The following RERE variants were observed in gnomAD, a reference collection of about 807,000 sequenced individuals.
RERE encodes arginine-glutamic acid dipeptide repeats protein.
Under a neutral mutation model 146.1 loss-of-function variants are expected in RERE, and 40 were observed. The ratio of observed to expected loss-of-function variants is 0.27; its 90% confidence interval spans 0.21 to 0.36. The LOEUF (loss-of-function observed/expected upper bound fraction) is 0.36. RERE is among the 10% of genes least tolerant of loss of function. The pLI is 1.00. For missense variants in RERE, 1,933 were observed against 2,138.7 expected (o/e 0.90, Z 1.90); for synonymous variants, 1,003 against 866.0 (o/e 1.16, Z -2.78).
Position 8,437,902 on chromosome 1 carries a change from A to C in RERE, c.1204-15095T>G, listed in dbSNP as rs1644192602. Among the ~76,000 whole-genome samples the C allele has an allele frequency of 2.7e-5, 4 of 149,348 alleles. 1 individual carries two copies. The South Asian group carries it at 8.6e-4, about 32-fold the overall frequency. On this transcript the variant is annotated intron_variant, in intron 11 of 22. Transcript: ENST00000400908. ...CCATGCAGTATGTCCCCCGAAATAGAGTCCTTTTCATCCTCGTTTGTGATA... is the reference window on the plus strand; with the variant it reads ...CCATGCAGTATGTCCCCCGAAATAGCGTCCTTTTCATCCTCGTTTGTGATA...
At chr1:8,600,750 C>CTT (rs59816060) in intron 4 of RERE, among the ~76,000 whole-genome samples, 20 of 113,422 alleles carry the variant, frequency 1.8e-4, no homozygotes, top group South Asian at 8.7e-4. Context: ...CAAGCCAATA[C>CTT]TTTTTTTTTT....
chr1:8,437,078 G>A (rs1644179654), intron 11 of RERE, among the ~76,000 whole-genome samples: 1 of 152,170 alleles, frequency 6.6e-6, no homozygotes, highest in South Asian at 2.1e-4. Context: ...ACATAGGGCC[G>A]TTATTTCAAA....
intron 12 of RERE, among the ~76,000 whole-genome samples, chr1:8,417,665 G>A (rs1557621838): frequency 6.6e-6 from 1 of 151,966 alleles, no homozygotes; most frequent in East Asian, 1.9e-4. Context: ...ACATACTTCG[G>A]TAGCACAGCC....
intron 12 of RERE, among the ~76,000 whole-genome samples, chr1:8,382,939 CTTTTCCA>C (rs1642507679): frequency 6.6e-6 from 1 of 151,732 alleles, no homozygotes; most frequent in South Asian, 2.1e-4. Flanking sequence ...CTTGAAAATC[CTTTTCCA>C]TCTGGGAAAA....
intron 2 of RERE, among the ~76,000 whole-genome samples, chr1:8,629,066 C>T (rs1410351259): frequency 3.9e-5 from 6 of 152,154 alleles, no homozygotes; most frequent in South Asian, 2.1e-4. Flanking sequence ...ATTGAGCAAA[C>T]GGTTTTGGCA....
At chr1:8,707,298 G>C (rs1207374145) in intron 1 of RERE, among the ~76,000 whole-genome samples, 1 of 152,164 alleles carries the variant, frequency 6.6e-6, no homozygotes, top group Non-Finnish European at 1.5e-5. Context: ...CGAAAGTCTA[G>C]TTAAACTAAC....
chr1:8,622,330 C>G lies in RERE; in HGVS notation c.396+1980G>C, dbSNP rs1181414483. 2.0e-5 allele frequency among the ~76,000 whole-genome samples: 3 copies of G among 151,990 alleles called. No individual in the cohort carries two copies. In the Middle Eastern group the frequency reaches 0.01, roughly 517 times the overall value. ...AAATATTTACAATTTTATTTCACAG[C>G]TATATATTTTTCACGGTGCACTGAT... On this transcript the variant is annotated intron_variant, in intron 3 of 22. Coordinates refer to ENST00000400908, the MANE Select transcript of RERE (RefSeq NM_001042681.2).
chr1:8,446,467 T>C (rs921853568), intron 11 of RERE, among the ~76,000 whole-genome samples: 1 of 152,186 alleles, frequency 6.6e-6, no homozygotes, highest in Non-Finnish European at 1.5e-5. Context: ...GTCTTGGGGT[T>C]GCTCTTCTCG....
intron 20 of RERE, among the ~76,000 whole-genome samples, chr1:8,357,379 G>T (rs1641335233): frequency 6.6e-6 from 1 of 152,206 alleles, no homozygotes; most frequent in South Asian, 2.1e-4. Context: ...ACTGGGTACA[G>T]GGGCAGGGGA....
At chr1:8,486,660 T>A (rs1388307878) in intron 10 of RERE, among the ~76,000 whole-genome samples, 1 of 129,372 alleles carries the variant, frequency 7.7e-6, no homozygotes, top group East Asian at 2.3e-4. Flanking sequence ...GAAAAAATAA[T>A]AAAACCAAAC....
intron 4 of RERE, among the ~76,000 whole-genome samples, chr1:8,576,545 A>C (rs1646297124): frequency 6.6e-6 from 1 of 152,236 alleles, no homozygotes; most frequent in Non-Finnish European, 1.5e-5. Context: ...CTAGAAAGTC[A>C]TCTAAAAAAA....
chr1:8,609,172 T>C (rs1646759726), intron 4 of RERE, among the ~76,000 whole-genome samples: 1 of 150,912 alleles, frequency 6.6e-6, no homozygotes, highest in Admixed American at 6.6e-5. Context: ...GAGTTGAGAC[T>C]GCACCACTGC....
At position 8,353,476 on chromosome 1, in the gene RERE, A is replaced by G. The variant is rs1309492893; in HGVS notation, c.*1611T>C. On this transcript the variant is annotated 3_prime_UTR_variant, in exon 23 of 23. Coordinates refer to ENST00000400908, the MANE Select transcript of RERE (RefSeq NM_001042681.2). ...GTCCTACAATTCTTGGGATGGGACC[A>G]GCACAATGGCAGAAGAGACCTCCAG... 6.6e-6 allele frequency: 1 copy of G among 152,280 alleles called. No homozygotes were observed. Among genetic ancestry groups the G allele is most frequent in the Non-Finnish European group, 1.5e-5 (1 of 68,060 alleles). 9.4% of individuals were successfully genotyped at this position (152,280 alleles called of 1,614,324 possible). A position where few individuals can be genotyped will look rare whatever the true frequency, so the allele number is the denominator to read the frequency against.
intron 1 of RERE, among the ~76,000 whole-genome samples, chr1:8,678,671 G>A (rs1638898596): frequency 6.6e-6 from 1 of 151,674 alleles, no homozygotes; most frequent in Admixed American, 6.6e-5. Context: ...CTCTAGCCTG[G>A]GCGACAGAGC....
At chr1:8,571,978 G>C (rs1646226836) in intron 4 of RERE, among the ~76,000 whole-genome samples, 1 of 152,182 alleles carries the variant, frequency 6.6e-6, no homozygotes, top group Admixed American at 6.5e-5. Context: ...AAAAGATTCT[G>C]CATCACGTTC....
intron 4 of RERE, among the ~76,000 whole-genome samples, chr1:8,602,319 A>AAC (rs1646642580): frequency 6.6e-6 from 1 of 151,660 alleles, no homozygotes; most frequent in Admixed American, 6.6e-5. Context: ...TGAACCTGGG[A>AAC]GGTGAACGCT....
In RERE at chr1:8,360,496, G is replaced by T. The variant is rs768113568; in HGVS notation, c.3011C>A (p.Pro1004His). ...GTTCTGGCTCTGGGTCAGCCCGGGG[G>T]GCTGGGCGGGCGAGGAGGGCAATGG... The part of the protein sequence containing the change: ...SQPLPSSPAQ[P>H]PGLTQSQNLP... Residue 1004 changes from proline to histidine, a missense_variant, in exon 18 of 23, where the codon CCC (proline) becomes CAC (histidine). Physicochemically the swap from Pro to His is moderately conservative, Grantham distance 77. This residue lies in a region of RERE where 1,255 missense variants were observed against 1,153.8 expected (regional missense o/e 1.09). Transcript: ENST00000400908. 7 of 1,386,152 alleles carry T rather than the reference G, an allele frequency of 5.0e-6. No homozygotes were observed. The highest frequency in any genetic ancestry group is 1.5e-5 in the African/African-American group (1 of 64,928). The allele number at this position is 1,386,152 out of a possible 1,614,324, so 85.9% of individuals were successfully genotyped here.
At chr1:8,678,107 T>C (rs1024834236) in intron 1 of RERE, among the ~76,000 whole-genome samples, 5 of 152,124 alleles carry the variant, frequency 3.3e-5, no homozygotes, top group Admixed American at 1.3e-4. Flanking sequence ...AGAAGCATGG[T>C]CTCCTGGTTG....
chr1:8,794,299 A>C (rs922098451), intron 1 of RERE, among the ~76,000 whole-genome samples: 6 of 133,392 alleles, frequency 4.5e-5, no homozygotes, highest in African/African-American at 1.6e-4. Flanking sequence ...CAGAGCTTGT[A>C]GTGAGCCGAG....
Sources: gnomAD v4.1 joint callset for allele counts (sites outside exome capture counted in the v4.1 genomes callset) on GRCh38, gnomAD v4.1.1 for gene constraint, gnomAD v4.1.1 regional missense constraint, MANE v1.5 for transcripts, NCBI Gene and HGNC (gene_info 2026-07-23, HGNC 2026-07-21) for gene names.